The following ZFX variants were observed in gnomAD, a reference collection of about 807,000 sequenced individuals.
ZFX encodes the protein zinc finger protein X-linked, also known as zinc finger X-chromosomal protein.
For synonymous variants in ZFX, 196 were observed against 226.8 expected (o/e 0.86, Z 1.22); for missense variants, 362 against 628.3 (o/e 0.58, Z 4.53).
At chrX:24,150,894 A>C (rs1017949711) in intron 1 of ZFX, 1 of 112,475 alleles carries the variant, frequency 8.9e-6, no homozygotes, top group Non-Finnish European at 1.9e-5. Flanking sequence ...CGGAGGAATA[A>C]AATTTTGAAT....
intron 5 of ZFX, among the ~76,000 whole-genome samples, chrX:24,190,189 GTATAT>G (rs1209888558): frequency 1.8e-5 from 2 of 111,514 alleles, no homozygotes; most frequent in Non-Finnish European, 3.8e-5. Context: ...GCTAATTAAC[GTATAT>G]TACCTCACAT....
rs760642851 is a variant in ZFX, at chrX:24,179,169, A to AT, written c.59-4dup. On this transcript the variant is annotated splice_polypyrimidine_tract_variant and intron_variant, in intron 4 of 9. Transcript: ENST00000304543. ...TACTTACCTGAAATTTGTCATTTTA[A>AT]TTTTTTTTTTAAGGAGCTGATGGTA... 4.0e-3 allele frequency: 3,830 copies of AT among 954,120 alleles called. No homozygotes were observed. Among genetic ancestry groups the AT allele is most frequent in the Admixed American group, 4.4e-3 (163 of 36,744 alleles). 78.6% of individuals were successfully genotyped at this position (954,120 alleles called of 1,213,427 possible).
At chrX:24,173,577 C>T (rs1934836710) in intron 4 of ZFX, 1 of 1,143,799 alleles carries the variant, frequency 8.7e-7, no homozygotes, top group Admixed American at 2.7e-5. Flanking sequence ...AAAGTGGTTA[C>T]ACTTGCGTTT....
intron 4 of ZFX, chrX:24,173,846 C>T: frequency 4.9e-6 from 2 of 405,887 alleles, no homozygotes; most frequent in South Asian, 4.2e-5. Flanking sequence ...CTGCCTGCCT[C>T]GGTCTCCTAT....
intron 5 of ZFX, among the ~76,000 whole-genome samples, chrX:24,204,955 A>G (rs967713007): frequency 5.3e-5 from 6 of 112,223 alleles, no homozygotes; most frequent in Admixed American, 3.8e-4. Flanking sequence ...AAGACTGTAA[A>G]TTTCTGGAGC....
chrX:24,181,544 T>C (rs111336605), intron 5 of ZFX, among the ~76,000 whole-genome samples: 50 of 112,066 alleles, frequency 4.5e-4, no homozygotes, highest in Admixed American at 1.8e-3. Context: ...TTCTGGCCTT[T>C]GCTGATATTG....
rs1938369954 is a variant in ZFX at position 24,215,052 on chromosome X, G to A, written c.*3676G>A. The A allele has an allele frequency of 1.8e-5, 2 of 111,861 alleles. No homozygotes were observed. Among genetic ancestry groups the A allele is most frequent in the Non-Finnish European group, 1.9e-5 (1 of 53,217 alleles). 9.2% of individuals were successfully genotyped at this position (111,861 alleles called of 1,213,427 possible). A position where few individuals can be genotyped will look rare whatever the true frequency, so the allele number is the denominator to read the frequency against. The stretch of plus-strand genomic sequence containing the variant: ...AGTTCTTCCAACTGTATGAACAAAC[G>A]TTTGCCTAATAGTTGAAACAATAAA... On this transcript the variant is annotated 3_prime_UTR_variant, in exon 10 of 10. Coordinates refer to ENST00000304543, the MANE Select transcript of ZFX (RefSeq NM_003410.4).
chrX:24,164,782 A>G (rs1165694975), intron 3 of ZFX, among the ~76,000 whole-genome samples: 1 of 109,830 alleles, frequency 9.1e-6, no homozygotes, highest in Non-Finnish European at 1.9e-5. Context: ...TAAAAAATAC[A>G]AAAAATTAGC....
Position 24,179,492 on chromosome X carries a change from C to A in ZFX, c.368C>A (p.Thr123Asn). ...VPDDVLASDI[T>N]SASMSMPEHV... ...GATGATGTTTTAGCTTCTGACATTA[C>A]TTCAGCCTCAATGTCTATGCCAGAA... Residue 123 changes from threonine (T) to asparagine (N), a missense_variant, in exon 5 of 10, where the codon ACT becomes AAT. Physicochemically the swap from Thr to Asn is moderately conservative, Grantham distance 65. Transcript: ENST00000304543. 2.9e-5 allele frequency: 35 copies of A among 1,212,327 alleles called. No individual in the cohort carries two copies. Among genetic ancestry groups the A allele is most frequent in the Non-Finnish European group, 3.7e-5 (33 of 895,681 alleles).
intron 5 of ZFX, among the ~76,000 whole-genome samples, chrX:24,204,354 T>C (rs937442821): frequency 8.9e-5 from 10 of 112,387 alleles, no homozygotes; most frequent in Non-Finnish European, 1.7e-4. Context: ...TTCATCTTGA[T>C]GTTCTGTGTA....
intron 9 of ZFX, 61 bp from the exon 10 acceptor site, chrX:24,210,132 G>A (rs1375440791): frequency 7.5e-6 from 9 of 1,196,191 alleles, no homozygotes; most frequent in African/African-American, 3.5e-5. Flanking sequence ...CTTTATATTC[G>A]CAAAGAAACT....
intron 4 of ZFX, among the ~76,000 whole-genome samples, chrX:24,173,875 C>A (rs2520323): frequency 2.8e-5 from 3 of 108,027 alleles, no homozygotes; most frequent in African/African-American, 1.0e-4. Context: ...GGATTACAGG[C>A]GTGAGCCACC....
chrX:24,154,097 A>G (rs963374579), intron 3 of ZFX, among the ~76,000 whole-genome samples: 2 of 112,121 alleles, frequency 1.8e-5, no homozygotes, highest in African/African-American at 6.5e-5. Flanking sequence ...CAAAGGAAGT[A>G]TACTCTAAGG....
intron 3 of ZFX, among the ~76,000 whole-genome samples, chrX:24,167,112 A>G (rs1253696631): frequency 8.9e-6 from 1 of 112,065 alleles, no homozygotes; most frequent in Non-Finnish European, 1.9e-5. Context: ...GTTTGTCCAT[A>G]GGAAATTCCA....
At chrX:24,191,389 G>C (rs1936513692) in intron 5 of ZFX, among the ~76,000 whole-genome samples, 1 of 111,614 alleles carries the variant, frequency 9.0e-6, no homozygotes, top group Non-Finnish European at 1.9e-5. Context: ...ATAAAAATAA[G>C]GTGGAATTTT....
chrX:24,177,212 G>C (rs921611800), intron 4 of ZFX, among the ~76,000 whole-genome samples: 1 of 112,429 alleles, frequency 8.9e-6, no homozygotes, highest in Non-Finnish European at 1.9e-5. Flanking sequence ...GATTACAGGC[G>C]TGAGCCACTG....
intron 3 of ZFX, among the ~76,000 whole-genome samples, chrX:24,163,303 A>T (rs1168168772): frequency 1.6e-5 from 1 of 62,889 alleles, no homozygotes; most frequent in South Asian, 7.8e-4. Context: ...ATATTTGCGG[A>T]TACTTGACTT....
At chrX:24,208,853 A>G in intron 8 of ZFX, 47 bp from the exon 9 acceptor site, 4 of 1,121,142 alleles carry the variant, frequency 3.6e-6, no homozygotes, top group Non-Finnish European at 4.8e-6. Flanking sequence ...CTAATTCTTT[A>G]AAATTTATAA....
chrX:24,176,093 G>A (rs761668989), intron 4 of ZFX, among the ~76,000 whole-genome samples: 11 of 103,834 alleles, frequency 1.1e-4, no homozygotes, highest in African/African-American at 3.2e-4. Context: ...AGGCTGGAGT[G>A]CAATGGCGCG....
Sources: gnomAD v4.1 joint callset for allele counts (sites outside exome capture counted in the v4.1 genomes callset) on GRCh38, gnomAD v4.1.1 for gene constraint, MANE v1.5 for transcripts, NCBI Gene and HGNC (gene_info 2026-07-23, HGNC 2026-07-21) for gene names.